SLC25A17: variants seen among roughly 807,000 people sequenced by gnomAD.
SLC25A17 encodes solute carrier family 25 member 17.
Under a neutral mutation model 38.5 loss-of-function variants are expected in SLC25A17, and 26 were observed. That is an observed-to-expected ratio of 0.68 (90% CI 0.50 to 0.94). The LOEUF (loss-of-function observed/expected upper bound fraction) is 0.94. Ranked by LOEUF, SLC25A17 falls within the 40% of genes least tolerant of loss-of-function variation. The pLI, the probability that SLC25A17 is intolerant of heterozygous loss-of-function variation, is 0.00. For synonymous variants in SLC25A17, 139 were observed against 136.2 expected, an observed-to-expected ratio of 1.02 and a Z score of -0.14; for missense variants, 333 against 372.7, an observed-to-expected ratio of 0.89 and a Z score of 0.88.
intron 7 of SLC25A17, 79 bp from the exon 8 acceptor site, chr22:40,774,098 G>T: frequency 1.2e-6 from 1 of 818,506 alleles, no homozygotes; most frequent in Non-Finnish European, 2.1e-6. Context: ...AGGATATTAT[G>T]TTGGAGTAGT....
At chr22:40,775,892 G>A (rs2057238741) in intron 7 of SLC25A17, among the ~76,000 whole-genome samples, 1 of 152,188 alleles carries the variant, frequency 6.6e-6, no homozygotes, top group African/African-American at 2.4e-5. Context: ...ATGCTGAAAT[G>A]TGAGTCAATT....
intron 1 of SLC25A17, among the ~76,000 whole-genome samples, chr22:40,814,754 A>ATATATATAT (rs2057617959): frequency 7.4e-6 from 1 of 135,180 alleles, no homozygotes; most frequent in African/African-American, 2.7e-5. Context: ...GTACGTGCAG[A>ATATATATAT]ATATATATAT....
Position 40,816,545 on chromosome 22 carries a change from T to C in SLC25A17, c.54+2650A>G, listed in dbSNP as rs79035401. ...AAGTTTGCCAATCTCTATGTTCTTTTATAGCACTTAACTGTATCTAAAATT... is the reference window on the plus strand; with the variant it reads ...AAGTTTGCCAATCTCTATGTTCTTTCATAGCACTTAACTGTATCTAAAATT... On this transcript the variant is annotated intron_variant, in intron 1 of 8. Transcript: ENST00000435456. Among the ~76,000 whole-genome samples, 688 of 152,102 alleles carry C rather than the reference T, an allele frequency of 4.5e-3. 1 individual carries two copies. The highest frequency in any genetic ancestry group is 7.6e-3 in the Non-Finnish European group (520 of 67,976).
At chr22:40,791,469 T>G (rs1487276454) in intron 4 of SLC25A17, among the ~76,000 whole-genome samples, 2 of 152,220 alleles carry the variant, frequency 1.3e-5, no homozygotes, top group Non-Finnish European at 2.9e-5. Flanking sequence ...TTTTAGGAAC[T>G]GTGCCAGGAA....
At chr22:40,809,506 C>T (rs895054498) in intron 1 of SLC25A17, among the ~76,000 whole-genome samples, 1 of 151,870 alleles carries the variant, frequency 6.6e-6, no homozygotes, top group African/African-American at 2.4e-5. Flanking sequence ...GTGGTGCACG[C>T]CTGTAATCCC....
intron 1 of SLC25A17, among the ~76,000 whole-genome samples, chr22:40,814,809 T>C (rs1295828326): frequency 2.0e-5 from 3 of 148,008 alleles, no homozygotes; most frequent in Non-Finnish European, 3.0e-5. Context: ...TTGTTGTTGT[T>C]TTGTTTTGTT....
Position 40,770,979 on chromosome 22 carries a change from C to T in SLC25A17, c.779G>A (p.Arg260His), listed in dbSNP as rs755044828. The T allele has an allele frequency of 1.6e-5, 26 of 1,584,796 alleles. No homozygotes were observed. The highest frequency in any genetic ancestry group is 1.6e-4 in the East Asian group (7 of 44,272). The change falls in exon 9 of 9, where the codon CGT becomes CAT. Residue 260 changes from arginine to histidine, a missense_variant and splice_region_variant. By Grantham distance (29) the Arg-to-His change is conservative. Transcript: ENST00000435456. ...ILYLLHQRVR[R>H]FGIMGLYKGL... The stretch of plus-strand genomic sequence containing the variant: ...TTTGTAGAGTCCCATTATTCCAAAA[C>T]GTCTAAAGGGAAAGAGGTTTGAAAA...
chr22:40,791,656 T>C (rs925452199), intron 4 of SLC25A17, among the ~76,000 whole-genome samples: 1 of 152,204 alleles, frequency 6.6e-6, no homozygotes, highest in Non-Finnish European at 1.5e-5. Flanking sequence ...TCAGCATCAC[T>C]AATCATCAGA....
intron 1 of SLC25A17, among the ~76,000 whole-genome samples, chr22:40,810,689 A>T (rs1287422589): frequency 6.6e-6 from 1 of 152,214 alleles, no homozygotes; most frequent in Non-Finnish European, 1.5e-5. Flanking sequence ...CAAAGCATGC[A>T]CATAGTTTAA....
intron 1 of SLC25A17, among the ~76,000 whole-genome samples, chr22:40,801,894 G>A (rs904943035): frequency 6.6e-6 from 1 of 152,124 alleles, no homozygotes; most frequent in Non-Finnish European, 1.5e-5. Context: ...GGATTCAAGC[G>A]ATTCTCCTGT....
chr22:40,788,695 A>C (rs2057359467), intron 4 of SLC25A17: 1 of 212,656 alleles, frequency 4.7e-6, no homozygotes, highest in Admixed American at 4.3e-5. Context: ...CATCTCAAAA[A>C]CTTAAAATAA....
intron 4 of SLC25A17, among the ~76,000 whole-genome samples, chr22:40,785,284 T>C (rs1266534269): frequency 6.6e-6 from 1 of 152,216 alleles, no homozygotes; most frequent in Non-Finnish European, 1.5e-5. Context: ...CTTGGGAGGC[T>C]GAGACAGGAA....
At chr22:40,797,958 G>C (rs1006445111) in intron 2 of SLC25A17, 1 of 153,736 alleles carries the variant, frequency 6.5e-6, no homozygotes, top group African/African-American at 2.4e-5. Context: ...CCTCTGCAAG[G>C]GCTGTAGAGT....
intron 1 of SLC25A17, among the ~76,000 whole-genome samples, chr22:40,799,330 G>T (rs1486344121): frequency 1.3e-5 from 2 of 149,918 alleles, no homozygotes; most frequent in African/African-American, 2.5e-5. Context: ...AAAGATGGGG[G>T]TCTCACTTTG....
chr22:40,818,702 T>C (rs1224035836), intron 1 of SLC25A17, among the ~76,000 whole-genome samples: 5 of 119,054 alleles, frequency 4.2e-5, no homozygotes, highest in African/African-American at 1.8e-4. Context: ...CAAGACCCTG[T>C]CCGGAAAAAA....
Position 40,789,935 on chromosome 22 carries a change from C to T in SLC25A17, c.334+2590G>A, listed in dbSNP as rs549236259. On this transcript the variant is annotated intron_variant, in intron 4 of 8. Coordinates refer to ENST00000435456, the MANE Select transcript of SLC25A17 (RefSeq NM_006358.4). This position sits in a 1 kb window ranked among gnomAD's most constrained non-coding sequence, Gnocchi z 4.5. ...GGATTACAGGGGTGAGCCACCACACCTGGCCTTGGACCATTTTCTGACAAG... is the reference window on the plus strand; with the variant it reads ...GGATTACAGGGGTGAGCCACCACACTTGGCCTTGGACCATTTTCTGACAAG... 6.6e-6 allele frequency among the ~76,000 whole-genome samples: 1 copy of T among 152,088 alleles called. No individual in the cohort carries two copies. Among genetic ancestry groups the T allele is most frequent in the African/African-American group, 2.4e-5 (1 of 41,500 alleles).
intron 6 of SLC25A17, 34 bp from the exon 7 acceptor site, chr22:40,777,169 C>T (rs1272820767): frequency 6.2e-7 from 1 of 1,613,622 alleles, no homozygotes; most frequent in Admixed American, 1.7e-5. Flanking sequence ...CCATATCAAT[C>T]AAGTCAACAA....
chr22:40,784,617 T>TAA, intron 4 of SLC25A17: 2 of 210,738 alleles, frequency 9.5e-6, no homozygotes, highest in South Asian at 5.0e-5. Flanking sequence ...GTACAAAAAA[T>TAA]AAAAAAAAAT....
At position 40,770,866 on chromosome 22, in the gene SLC25A17, C is replaced by T. The variant is rs2057174929; in HGVS notation, c.892G>A (p.Val298Ile). Residue 298 changes from valine (V) to isoleucine (I), a missense_variant, in exon 9 of 9, where the codon GTT becomes ATT. Transcript: ENST00000435456. ...TGGTGTGCACGCTTCAGCCCCATAA[C>T]TGTGAAGGTGGCAGCTGTCAGTTTC... ...YEKLTAATFT[V>I]MGLKRAHQH 1 of 1,613,262 alleles carries T rather than the reference C, an allele frequency of 6.2e-7. No homozygotes were observed.
Sources: allele counts gnomAD v4.1 joint callset (sites outside exome capture counted in the v4.1 genomes callset), GRCh38; gene constraint gnomAD v4.1.1; non-coding constraint Gnocchi (gnomAD v3.1); transcripts MANE v1.5; gene names NCBI Gene and HGNC (gene_info 2026-07-23, HGNC 2026-07-21).